The following C12orf76 variants were observed in gnomAD, a reference collection of about 807,000 sequenced individuals.
C12orf76 encodes chromosome 12 open reading frame 76, also known as uncharacterized protein C12orf76.
A neutral mutation model predicts 6.8 loss-of-function variants in C12orf76; 6 were observed. That is an observed-to-expected ratio of 0.88 (90% CI 0.48 to 1.73). The LOEUF (loss-of-function observed/expected upper bound fraction) is 1.73. C12orf76 is among the 40% of genes most tolerant of loss of function. The probability of loss-of-function intolerance (pLI) is 0.01; values close to 1 mark genes in which losing one functional copy is unlikely to be tolerated. For synonymous variants in C12orf76, 56 were observed against 43.7 expected (o/e 1.28, Z -1.11); for missense variants, 99 against 98.2 (o/e 1.01, Z -0.03).
intron 1 of C12orf76, among the ~76,000 whole-genome samples, chr12:110,045,518 G>A (rs373877630): frequency 1.7e-3 from 266 of 152,154 alleles, no homozygotes; most frequent in African/African-American, 5.4e-3. Flanking sequence ...CCAGGGAGTC[G>A]GGGGTTGCAG....
chr12:110,045,285 A>C (rs963615611), intron 1 of C12orf76, among the ~76,000 whole-genome samples: 1 of 152,190 alleles, frequency 6.6e-6, no homozygotes, highest in African/African-American at 2.4e-5. Context: ...ATTTTGGAAG[A>C]ACTCCAAAAA....
chr12:110,065,318 C>T (rs2137237847), intron 2 of C12orf76, among the ~76,000 whole-genome samples: 1 of 151,956 alleles, frequency 6.6e-6, no homozygotes, highest in Non-Finnish European at 1.5e-5. Context: ...TTACAGGCAC[C>T]TGCCACCACG....
chr12:110,068,310 GA>G (rs1566080224), upstream of C12orf76, among the ~76,000 whole-genome samples: 3 of 145,924 alleles, frequency 2.1e-5, no homozygotes, highest in African/African-American at 5.0e-5. Context: ...AGAAGAAGAA[GA>G]AGAAGAAGAA....
At chr12:110,072,109 G>A (rs554507606), upstream of C12orf76, among the ~76,000 whole-genome samples, 7 of 152,290 alleles carry the variant, frequency 4.6e-5, no homozygotes, top group African/African-American at 1.7e-4. Context: ...TCCATGCAAT[G>A]GAATATTACT....
upstream of C12orf76, chr12:110,049,318 C>A (rs1201676484): frequency 2.0e-5 from 3 of 152,472 alleles, no homozygotes; most frequent in African/African-American, 7.2e-5. Context: ...TGTGAAGAGA[C>A]CACCAAACGT....
At chr12:110,064,077 C>A (rs1593250837) in intron 2 of C12orf76, among the ~76,000 whole-genome samples, 1 of 152,168 alleles carries the variant, frequency 6.6e-6, no homozygotes, top group African/African-American at 2.4e-5. Context: ...CAGCCTCAGA[C>A]AATCCTCATT....
upstream of C12orf76, chr12:110,051,027 A>G (rs1275057565): frequency 2.6e-6 from 2 of 777,804 alleles, no homozygotes; most frequent in Admixed American, 1.7e-5. Flanking sequence ...CTGCCATGTT[A>G]AAGACACTGT....
chr12:110,065,689 C>T (rs1261273164), intron 2 of C12orf76, among the ~76,000 whole-genome samples: 2 of 152,152 alleles, frequency 1.3e-5, no homozygotes, highest in Non-Finnish European at 2.9e-5. Context: ...CATTCTGGTC[C>T]CACCACACTC....
chr12:110,059,103 C>G (rs1489308807), exon 3 of C12orf76: 6 of 1,551,684 alleles, frequency 3.9e-6, no homozygotes, highest in South Asian at 3.6e-5. Flanking sequence ...ACAGCCTCAG[C>G]TCTCTTAAAT....
intron 3 of C12orf76, chr12:110,058,930 C>T (rs1593248887): frequency 1.4e-6 from 2 of 1,468,874 alleles, no homozygotes; most frequent in East Asian, 2.5e-5. Flanking sequence ...ATTCTTACTC[C>T]CCCCCACCAA....
chr12:110,070,384 G>A (rs1892948059), upstream of C12orf76, among the ~76,000 whole-genome samples: 1 of 152,122 alleles, frequency 6.6e-6, no homozygotes, highest in South Asian at 2.1e-4. Flanking sequence ...GGCAACATAA[G>A]GAAAGCCCTG....
chr12:110,068,159 G>A (rs1005018496), upstream of C12orf76, among the ~76,000 whole-genome samples: 21 of 151,430 alleles, frequency 1.4e-4, no homozygotes, highest in South Asian at 4.2e-4. Flanking sequence ...AGCCAAGATC[G>A]CGCCATTGCA....
upstream of C12orf76, chr12:110,051,317 AATC>A: frequency 1.4e-6 from 1 of 700,120 alleles, no homozygotes; most frequent in Non-Finnish European, 2.6e-6. Context: ...TGGGAAGCAT[AATC>A]ATACCTGCCT....
At chr12:110,058,846 T>C in intron 3 of C12orf76, 2 of 909,520 alleles carry the variant, frequency 2.2e-6, no homozygotes, top group South Asian at 2.5e-5. Flanking sequence ...CAATTTTTGG[T>C]AACCCTAATA....
intron 3 of C12orf76, among the ~76,000 whole-genome samples, chr12:110,058,613 C>T (rs1892717310): frequency 6.6e-6 from 1 of 151,844 alleles, no homozygotes; most frequent in Non-Finnish European, 1.5e-5. Context: ...TGCAGTGAGC[C>T]GAGATCATGC....
chr12:110,057,568 C>G (rs895187501), intron 3 of C12orf76, among the ~76,000 whole-genome samples: 1 of 152,090 alleles, frequency 6.6e-6, no homozygotes, highest in Non-Finnish European at 1.5e-5. Flanking sequence ...GTTGAGGACC[C>G]AAGAGATGCT....
At chr12:110,048,273 CCT>C (rs1377499526) in intron 1 of C12orf76, 88 bp downstream of exon 1, 10 of 1,390,938 alleles carry the variant, frequency 7.2e-6, no homozygotes, top group Admixed American at 3.0e-5. Context: ...CACTCTATCC[CCT>C]GTCCGCTCCG....
chr12:110,050,045 A>G (rs1056365344), upstream of C12orf76: 1 of 152,234 alleles, frequency 6.6e-6, no homozygotes, highest in Non-Finnish European at 1.5e-5. Context: ...CGATGCTGCC[A>G]GCTGAATAAA....
At chr12:110,046,489 T>C (rs866915423) in intron 1 of C12orf76, among the ~76,000 whole-genome samples, 71 of 152,310 alleles carry the variant, frequency 4.7e-4, no homozygotes, top group African/African-American at 1.7e-3. Flanking sequence ...AAACTATCTA[T>C]GGCAAAGGAG....
Sources: gnomAD v4.1 joint callset for allele counts (sites outside exome capture counted in the v4.1 genomes callset) on GRCh38, gnomAD v4.1.1 for gene constraint, MANE v1.5 for transcripts, NCBI Gene and HGNC (gene_info 2026-07-23, HGNC 2026-07-21) for gene names.